The following ABCA13 variants were observed in gnomAD, a reference collection of about 807,000 sequenced individuals.
ABCA13 encodes the protein ATP binding cassette subfamily A member 13, also known as ATP-binding cassette sub-family A member 13.
A neutral mutation model predicts 478.7 loss-of-function variants in ABCA13; 476 were observed. The ratio of observed to expected loss-of-function variants is 0.99; its 90% confidence interval spans 0.92 to 1.07. The LOEUF is 1.07. Among genes scored for constraint, ABCA13 ranks in the 50% least tolerant of loss-of-function variants. ABCA13 has a pLI of 0.00. For synonymous variants in ABCA13, 2,252 were observed against 2,158.9 expected, an observed-to-expected ratio of 1.04 and a Z score of -1.20; for missense variants, 6,060 against 5,910.6, an observed-to-expected ratio of 1.03 and a Z score of -0.83.
rs567330892 is a variant in ABCA13 at position 48,480,994 on chromosome 7, T to G, written c.12976-42T>G. On this transcript the variant is annotated intron_variant, in intron 45 of 61. Coordinates refer to ENST00000435803, the MANE Select transcript of ABCA13 (RefSeq NM_152701.5). ...TAATGTCAGTGAACCAGTTTGTGAA[T>G]TATAAAAAAGTTTGTTTTTATCTTT... 1.4e-5 allele frequency: 18 copies of G among 1,332,490 alleles called. No homozygotes were observed. The South Asian group carries it at 2.3e-4, about 17-fold the overall frequency. 82.5% of individuals were successfully genotyped at this position (1,332,490 alleles called of 1,614,324 possible).
intron 8 of ABCA13, among the ~76,000 whole-genome samples, chr7:48,236,804 A>G (rs1055350025): frequency 1.1e-4 from 17 of 152,200 alleles, no homozygotes; most frequent in Non-Finnish European, 2.1e-4. Flanking sequence ...GGATTGGGAC[A>G]TGGACATCTT....
At chr7:48,478,566 G>A (rs1458826739) in intron 45 of ABCA13, among the ~76,000 whole-genome samples, 1 of 152,110 alleles carries the variant, frequency 6.6e-6, no homozygotes, top group Non-Finnish European at 1.5e-5. Context: ...TTTACCAAAA[G>A]AATAGGGCTT....
At chr7:48,389,357 G>A in intron 37 of ABCA13, 137 bp downstream of exon 37, 1 of 983,752 alleles carries the variant, frequency 1.0e-6, no homozygotes, top group Non-Finnish European at 1.5e-6. Context: ...AGACACGGGT[G>A]AAAGGCAGAG....
Position 48,372,194 on chromosome 7 carries a change from A to G in ABCA13, c.10830A>G (p.Pro3610=). 1.2e-6 allele frequency: 2 copies of G among 1,613,596 alleles called. No individual in the cohort carries two copies. Among genetic ancestry groups the G allele is most frequent in the Non-Finnish European group, 1.7e-6 (2 of 1,179,630 alleles). Residue 3610 remains proline, a synonymous_variant, in exon 33 of 62, where the codon CCA becomes CCG. Coordinates refer to ENST00000435803, the MANE Select transcript of ABCA13 (RefSeq NM_152701.5). ...EEYMRMMGVH[P]VIHFLAWFLE... ...ATATGCGGATGATGGGAGTGCATCC[A>G]GTGATCCATTTCCTGGCCTGGTTCC...
In ABCA13 at chr7:48,229,959, T is replaced by C. The variant is rs1788806477; in HGVS notation, c.763+4T>C. The stretch of plus-strand genomic sequence containing the variant: ...CAACATGGAGTAGCAGTCACCGGTA[T>C]GGGTGCCTTGTAGCTATTGCTATAT... On this transcript the variant is annotated splice_donor_region_variant and intron_variant, in intron 7 of 61. Transcript: ENST00000435803. 1 of 1,612,720 alleles carries C rather than the reference T, an allele frequency of 6.2e-7. No homozygotes were observed. The highest frequency in any genetic ancestry group is 8.5e-7 in the Non-Finnish European group (1 of 1,178,908).
chr7:48,227,141 A>C (rs1788330931), intron 5 of ABCA13, 121 bp from the exon 6 acceptor site: 1 of 876,154 alleles, frequency 1.1e-6, no homozygotes, highest in Admixed American at 2.1e-5. Flanking sequence ...TGATATATTA[A>C]GTGTGAGTTT....
At chr7:48,296,237 C>T (rs1799346629) in intron 21 of ABCA13, among the ~76,000 whole-genome samples, 1 of 151,886 alleles carries the variant, frequency 6.6e-6, no homozygotes, top group African/African-American at 2.4e-5. Flanking sequence ...AAAATAAAAG[C>T]AACAACAAAA....
At chr7:48,640,320 C>T (rs754578137) in intron 59 of ABCA13, among the ~76,000 whole-genome samples, 12 of 152,330 alleles carry the variant, frequency 7.9e-5, no homozygotes, top group Admixed American at 2.6e-4. Flanking sequence ...AGAAATGTCT[C>T]TGCAGGTGCA....
At chr7:48,347,248 A>G (rs1373023701) in intron 29 of ABCA13, among the ~76,000 whole-genome samples, 1 of 152,206 alleles carries the variant, frequency 6.6e-6, no homozygotes, top group Admixed American at 6.5e-5. Context: ...CATTTTGGGG[A>G]AAATGAGACA....
At chr7:48,418,715 A>T (rs1049562162) in intron 41 of ABCA13, among the ~76,000 whole-genome samples, 1 of 152,188 alleles carries the variant, frequency 6.6e-6, no homozygotes, top group African/African-American at 2.4e-5. Context: ...GGAATTATCA[A>T]TATTTTTTCT....
rs1386389581 is a variant in ABCA13 at position 48,391,928 on chromosome 7, T to A, written c.11662T>A (p.Leu3888Met). Reference protein sequence around the residue: ...GAGKTTIISMLTGLHPPTSGT... With the variant: ...GAGKTTIISMMTGLHPPTSGT... ...TCTTATTTTCTCTGGCAGATCCATGTTGACGGGGCTCCACCCTCCCACTTC... is the reference window on the plus strand; with the variant it reads ...TCTTATTTTCTCTGGCAGATCCATGATGACGGGGCTCCACCCTCCCACTTC... Residue 3888 changes from leucine (L) to methionine (M), a missense_variant, in exon 38 of 62, where the codon TTG becomes ATG. Transcript: ENST00000435803. The A allele has an allele frequency of 6.2e-7, 1 of 1,613,832 alleles. No homozygotes were observed. The highest frequency in any genetic ancestry group is 2.2e-5 in the East Asian group (1 of 44,842).
At chr7:48,343,845 G>A (rs1807639427) in intron 29 of ABCA13, among the ~76,000 whole-genome samples, 1 of 151,802 alleles carries the variant, frequency 6.6e-6, no homozygotes, top group Non-Finnish European at 1.5e-5. Context: ...CTCTAAGTGG[G>A]GTTTCCTCAA....
intron 59 of ABCA13, among the ~76,000 whole-genome samples, chr7:48,631,318 T>C (rs1180921172): frequency 6.6e-6 from 1 of 152,140 alleles, no homozygotes; most frequent in African/African-American, 2.4e-5. Flanking sequence ...TTAATCCATT[T>C]TAATTTTTAT....
At chr7:48,450,762 T>C (rs968706756) in intron 42 of ABCA13, among the ~76,000 whole-genome samples, 27 of 152,102 alleles carry the variant, frequency 1.8e-4, no homozygotes, top group Non-Finnish European at 3.1e-4. Context: ...TTTTACTGAG[T>C]CACCTTTCAT....
intron 42 of ABCA13, among the ~76,000 whole-genome samples, chr7:48,438,933 T>A (rs941380304): frequency 6.7e-6 from 1 of 149,752 alleles, no homozygotes; most frequent in Non-Finnish European, 1.5e-5. Context: ...GAAATTTAAG[T>A]TTCCTCTAGC....
intron 41 of ABCA13, among the ~76,000 whole-genome samples, chr7:48,422,407 T>G (rs1820891571): frequency 6.6e-6 from 1 of 152,192 alleles, no homozygotes; most frequent in Admixed American, 6.5e-5. Flanking sequence ...AACAAGGTGT[T>G]ATAGGATGTC....
intron 38 of ABCA13, among the ~76,000 whole-genome samples, chr7:48,402,544 A>G (rs1002657488): frequency 6.6e-6 from 1 of 152,250 alleles, no homozygotes; most frequent in Non-Finnish European, 1.5e-5. Context: ...CAGAAAATGC[A>G]CTATAAGACT....
At chr7:48,485,170 G>A (rs1440972213) in intron 47 of ABCA13, among the ~76,000 whole-genome samples, 4 of 151,142 alleles carry the variant, frequency 2.6e-5, no homozygotes, top group Non-Finnish European at 5.9e-5. Flanking sequence ...TTTCACTTTC[G>A]TTTTTTTCAT....
intron 55 of ABCA13, among the ~76,000 whole-genome samples, chr7:48,568,055 A>C (rs974875184): frequency 2.0e-5 from 3 of 152,146 alleles, no homozygotes; most frequent in African/African-American, 7.2e-5. Context: ...TATCAAACTT[A>C]TAATTTTTTA....
Sources: allele counts gnomAD v4.1 joint callset (sites outside exome capture counted in the v4.1 genomes callset), GRCh38; gene constraint gnomAD v4.1.1; transcripts MANE v1.5; gene names NCBI Gene and HGNC (gene_info 2026-07-23, HGNC 2026-07-21).